Variants in PHLPP1 observed in about 807,000 individuals in gnomAD.
PHLPP1 encodes PH domain and leucine rich repeat protein phosphatase 1.
Under a neutral mutation model 117.2 loss-of-function variants are expected in PHLPP1, and 42 were observed. The ratio of observed to expected loss-of-function variants is 0.36; its 90% CI spans 0.28 to 0.46. The LOEUF is 0.46. Ranked by LOEUF, PHLPP1 falls within the 20% of genes least tolerant of loss-of-function variation. The probability of loss-of-function intolerance (pLI) is 1.00; values close to 1 mark genes in which losing one functional copy is unlikely to be tolerated. For synonymous variants in PHLPP1, 1,042 were observed against 970.7 expected (o/e 1.07, Z -1.37); for missense variants, 2,084 against 2,241.9 (o/e 0.93, Z 1.42).
rs779933774 is a variant in PHLPP1, at chr18:62,972,531, T to G, written c.3578T>G (p.Leu1193Arg). ...GVKNKLCVAA[L>R]SVNNFCDNRE... ...CCTTGCAGGTTGTGTGTCGCAGCCC[T>G]GTCGGTGAATAACTTCTGTGACAAC... The change falls in exon 15 of 17, where the codon CTG (leucine) becomes CGG (arginine). Residue 1193 changes from leucine to arginine, a missense_variant. Physicochemically the swap from Leu to Arg is moderately radical, Grantham distance 102. Transcript: ENST00000262719. 1.2e-6 allele frequency: 2 copies of G among 1,612,738 alleles called. No homozygotes were observed. Among genetic ancestry groups the G allele is most frequent in the Non-Finnish European group, 1.7e-6 (2 of 1,179,842 alleles).
intron 1 of PHLPP1, among the ~76,000 whole-genome samples, chr18:62,755,391 G>C (rs906296547): frequency 3.9e-5 from 6 of 152,112 alleles, no homozygotes; most frequent in Admixed American, 2.0e-4. Flanking sequence ...GCAAAGTTTA[G>C]ATAGTGCCGT....
chr18:62,827,902 T>C (rs1914653904), intron 1 of PHLPP1, among the ~76,000 whole-genome samples: 1 of 152,198 alleles, frequency 6.6e-6, no homozygotes, highest in Admixed American at 6.5e-5. Flanking sequence ...TGTTCCCTTT[T>C]CTTCCAGTCT....
chr18:62,847,366 C>T (rs543731591), intron 3 of PHLPP1, among the ~76,000 whole-genome samples: 2 of 152,124 alleles, frequency 1.3e-5, no homozygotes, highest in African/African-American at 4.8e-5. Context: ...AGGACCTCAG[C>T]AAATGGAAAC....
chr18:62,760,869 GTTTTA>G (rs1362329173), intron 1 of PHLPP1, among the ~76,000 whole-genome samples: 3 of 152,076 alleles, frequency 2.0e-5, no homozygotes, highest in African/African-American at 7.2e-5. Context: ...GTTTTGTTTT[GTTTTA>G]TTTTATTTTG....
intron 4 of PHLPP1, among the ~76,000 whole-genome samples, chr18:62,880,853 T>C (rs549995694): frequency 2.0e-4 from 30 of 152,306 alleles, no homozygotes; most frequent in Middle Eastern, 6.8e-3. Context: ...TTCACGTAAT[T>C]ACCATCTTAT....
intron 4 of PHLPP1, among the ~76,000 whole-genome samples, chr18:62,875,058 G>A (rs1599096671): frequency 6.6e-6 from 1 of 152,156 alleles, no homozygotes; most frequent in Non-Finnish European, 1.5e-5. Flanking sequence ...GGGTTCAAGC[G>A]ATTCTCATGC....
At chr18:62,850,823 T>G (rs1915327867) in intron 3 of PHLPP1, among the ~76,000 whole-genome samples, 1 of 152,166 alleles carries the variant, frequency 6.6e-6, no homozygotes, top group African/African-American at 2.4e-5. Flanking sequence ...GTCCACATTT[T>G]CACTTTTGGC....
chr18:62,807,840 C>T (rs1403659389), intron 1 of PHLPP1, among the ~76,000 whole-genome samples: 2 of 151,886 alleles, frequency 1.3e-5, no homozygotes, highest in Admixed American at 6.6e-5. Context: ...GTTTGCAGGC[C>T]GGGAATTGCT....
intron 1 of PHLPP1, among the ~76,000 whole-genome samples, chr18:62,741,451 G>A (rs942886724): frequency 6.6e-6 from 1 of 152,098 alleles, no homozygotes; most frequent in Non-Finnish European, 1.5e-5. Context: ...GGGAAAAGAT[G>A]AGTCACCAGA....
intron 4 of PHLPP1, among the ~76,000 whole-genome samples, chr18:62,863,026 ATGAAAGTTATCAC>A (rs540272410): frequency 1.3e-4 from 20 of 150,820 alleles, no homozygotes; most frequent in African/African-American, 2.7e-4. Context: ...GACGTGTACT[ATGAAAGTTATCAC>A]TGTGGTATTC....
intron 1 of PHLPP1, among the ~76,000 whole-genome samples, chr18:62,747,857 T>C (rs1911724215): frequency 6.6e-6 from 1 of 152,158 alleles, no homozygotes; most frequent in Non-Finnish European, 1.5e-5. Flanking sequence ...GTTTTAAAGG[T>C]CATTTTGATG....
At chr18:62,940,562 C>T (rs1327600173) in intron 10 of PHLPP1, among the ~76,000 whole-genome samples, 2 of 151,782 alleles carry the variant, frequency 1.3e-5, no homozygotes, top group African/African-American at 4.8e-5. Context: ...AACAGGGTTT[C>T]ACCATGTTAG....
chr18:62,918,670 GA>G (rs1272134473), intron 9 of PHLPP1, among the ~76,000 whole-genome samples: 3 of 152,052 alleles, frequency 2.0e-5, no homozygotes, highest in African/African-American at 4.8e-5. Flanking sequence ...TATTTAAAGT[GA>G]ATAAAGTTAT....
intron 13 of PHLPP1, among the ~76,000 whole-genome samples, chr18:62,960,459 C>T (rs1462606981): frequency 6.6e-6 from 1 of 151,956 alleles, no homozygotes; most frequent in Non-Finnish European, 1.5e-5. Flanking sequence ...TTCAGAAACT[C>T]TCAAGAGTAG....
intron 1 of PHLPP1, among the ~76,000 whole-genome samples, chr18:62,780,326 G>A (rs1296239846): frequency 6.6e-6 from 1 of 152,076 alleles, no homozygotes; most frequent in Non-Finnish European, 1.5e-5. Context: ...TTAAAAATTG[G>A]CAGTATTATT....
chr18:62,961,374 A>G (rs1853987490), intron 13 of PHLPP1, among the ~76,000 whole-genome samples: 1 of 152,238 alleles, frequency 6.6e-6, no homozygotes, highest in Admixed American at 6.5e-5. Flanking sequence ...GTGTTCAGCT[A>G]GGTAGAGAAG....
chr18:62,751,891 A>G (rs1911865603), intron 1 of PHLPP1, among the ~76,000 whole-genome samples: 1 of 152,202 alleles, frequency 6.6e-6, no homozygotes, highest in Non-Finnish European at 1.5e-5. Flanking sequence ...CAGTGGATTG[A>G]TAACTCCTGT....
rs148455413 is a variant in PHLPP1 at position 62,738,876 on chromosome 18, C to A, written c.1576+21617C>A. On this transcript the variant is annotated intron_variant, in intron 1 of 16. Transcript: ENST00000262719. Reference sequence around the variant, plus strand: ...TAAGTGCAGACTACTGTATGTCCTGCATGTTGGTAACTAGGGATATGGTGT... The same window carrying A: ...TAAGTGCAGACTACTGTATGTCCTGAATGTTGGTAACTAGGGATATGGTGT... Among the ~76,000 whole-genome samples, 163 of 152,314 alleles carry A rather than the reference C, an allele frequency of 1.1e-3. 2 individuals are homozygous for A. Among genetic ancestry groups the A allele is most frequent in the African/African-American group, 3.8e-3 (156 of 41,564 alleles).
intron 1 of PHLPP1, among the ~76,000 whole-genome samples, chr18:62,825,913 A>G (rs1914601076): frequency 6.6e-6 from 1 of 152,212 alleles, no homozygotes; most frequent in Admixed American, 6.5e-5. Context: ...GAAAGAAGAG[A>G]TGAAAAAGAT....
Sources: gnomAD v4.1 joint callset for allele counts (sites outside exome capture counted in the v4.1 genomes callset) on GRCh38, gnomAD v4.1.1 for gene constraint, MANE v1.5 for transcripts, NCBI Gene and HGNC (gene_info 2026-07-23, HGNC 2026-07-21) for gene names.